MYH11: variants seen among roughly 807,000 people sequenced by gnomAD.
MYH11 encodes myosin-11.
Under a neutral mutation model 246.6 loss-of-function variants are expected in MYH11, and 80 were observed. The ratio of observed to expected loss-of-function variants is 0.32; its 90% CI spans 0.27 to 0.39. The LOEUF is 0.39. Among genes scored for constraint, MYH11 ranks in the 10% least tolerant of loss-of-function variants. The pLI, the probability that MYH11 is intolerant of heterozygous loss-of-function variation, is 1.00. For missense variants in MYH11, 2,158 were observed against 2,546.8 expected, an observed-to-expected ratio of 0.85 and a Z score of 3.29; for synonymous variants, 1,071 against 1,015.5, an observed-to-expected ratio of 1.05 and a Z score of -1.04.
At position 15,717,354 on chromosome 16, in the gene MYH11, G is replaced by T. The variant is rs886051739; in HGVS notation, c.5296-6C>A. On this transcript the variant is annotated splice_region_variant and splice_polypyrimidine_tract_variant and intron_variant, in intron 37 of 40. Coordinates refer to ENST00000300036, the MANE Select transcript of MYH11 (RefSeq NM_002474.3). ...TCGTTGCTGAGCTGCTCGGCCTGGG[G>T]AGGAGAGTGAAGGCCATGAGGCGGA... The T allele has an allele frequency of 1.9e-6, 3 of 1,604,568 alleles. No individual in the cohort carries two copies. The highest frequency in any genetic ancestry group is 2.7e-5 in the African/African-American group (2 of 74,946).
In MYH11 at chr16:15,776,138, C is replaced by T. The variant is rs747215448; in HGVS notation, c.829G>A (p.Asp277Asn). 1 of 1,614,144 alleles carries T rather than the reference C, an allele frequency of 6.2e-7. No individual in the cohort carries two copies. The highest frequency in any genetic ancestry group is 8.5e-7 in the Non-Finnish European group (1 of 1,180,018). ...EKSRAIRQAR[D>N]ERTFHIFYYM... ...TAAAAGATGTGGAATGTCCTCTCGT[C>T]TCTGGCTTGGCGAATTGCCCGTGAT... Residue 277 changes from aspartate to asparagine, a missense_variant, in exon 8 of 41, where the codon GAC becomes AAC. This residue lies in a region of MYH11 where 123 missense variants were observed against 207.1 expected (regional missense o/e 0.59). Transcript: ENST00000300036.
chr16:15,731,089 T>C (rs572173893), intron 27 of MYH11, among the ~76,000 whole-genome samples: 24 of 152,306 alleles, frequency 1.6e-4, no homozygotes, highest in African/African-American at 4.6e-4. Flanking sequence ...CCCAAAGTGT[T>C]AGGATTACGG....
chr16:15,825,675 C>A (rs1055863215), intron 2 of MYH11, among the ~76,000 whole-genome samples: 1 of 152,130 alleles, frequency 6.6e-6, no homozygotes, highest in African/African-American at 2.4e-5. Flanking sequence ...TAGCAGTCCT[C>A]TCCTACTGGG....
intron 1 of MYH11, among the ~76,000 whole-genome samples, chr16:15,851,514 C>A (rs1052259828): frequency 6.6e-6 from 1 of 152,078 alleles, no homozygotes; most frequent in African/African-American, 2.4e-5. Flanking sequence ...GAATCTAATC[C>A]TAGTTTTCTG....
chr16:15,814,205 G>C lies in MYH11; in HGVS notation c.502+9050C>G, dbSNP rs560824906. ...AGGCAGTTTAAAAAGAACTAGAGAGGGGAGAACAGCAAAGCCATCTTGGAA... is the reference window on the plus strand; with the variant it reads ...AGGCAGTTTAAAAAGAACTAGAGAGCGGAGAACAGCAAAGCCATCTTGGAA... On this transcript the variant is annotated intron_variant, in intron 3 of 40. Coordinates refer to ENST00000300036, the MANE Select transcript of MYH11 (RefSeq NM_002474.3). Among the ~76,000 whole-genome samples the C allele has an allele frequency of 1.2e-3, 179 of 151,838 alleles. 1 individual carries two copies. The highest frequency in any genetic ancestry group is 2.3e-3 in the Non-Finnish European group (157 of 67,944).
chr16:15,724,034 T>C, intron 31 of MYH11, 127 bp downstream of exon 31: 1 of 1,511,268 alleles, frequency 6.6e-7, no homozygotes, highest in Non-Finnish European at 9.0e-7. Context: ...TAAGACAGCC[T>C]CCCATGGCTC....
At chr16:15,795,150 A>G (rs1254435253) in intron 4 of MYH11, among the ~76,000 whole-genome samples, 1 of 152,078 alleles carries the variant, frequency 6.6e-6, no homozygotes, top group Non-Finnish European at 1.5e-5. Flanking sequence ...TCTATTAACA[A>G]TACAAAAATT....
At chr16:15,843,405 A>G (rs1431693376) in intron 1 of MYH11, among the ~76,000 whole-genome samples, 1 of 146,662 alleles carries the variant, frequency 6.8e-6, no homozygotes, top group Non-Finnish European at 1.5e-5. Context: ...GAAAGGAAGG[A>G]AGAGGCCGGG....
In MYH11 at chr16:15,823,427, C is replaced by G. The variant is rs74009446; in HGVS notation, c.346-16G>C. 2.5e-4 allele frequency: 400 copies of G among 1,614,138 alleles called. No homozygotes were observed. In the African/African-American group the frequency reaches 3.9e-3, roughly 16 times the overall value. The stretch of plus-strand genomic sequence containing the variant: ...CAGAGTACGTCTGCAGACAGAGAAC[C>G]CAGCTTACTTCCAGACCTCCTCCAG... On this transcript the variant is annotated splice_polypyrimidine_tract_variant and intron_variant, in intron 2 of 40. Coordinates refer to ENST00000300036, the MANE Select transcript of MYH11 (RefSeq NM_002474.3).
intron 12 of MYH11, among the ~76,000 whole-genome samples, chr16:15,759,271 A>AG (rs1349876892): frequency 4.2e-5 from 6 of 141,424 alleles, no homozygotes; most frequent in Admixed American, 3.8e-4. Flanking sequence ...TGCCCCCGTG[A>AG]GGGGAGAGCC....
At chr16:15,841,723 G>T (rs749126596) in intron 1 of MYH11, among the ~76,000 whole-genome samples, 3 of 152,210 alleles carry the variant, frequency 2.0e-5, no homozygotes, top group East Asian at 1.9e-4. Flanking sequence ...GACCATAGCT[G>T]CAGGGGCTGT....
intron 1 of MYH11, among the ~76,000 whole-genome samples, chr16:15,854,984 C>A (rs141280599): frequency 6.6e-6 from 1 of 152,112 alleles, no homozygotes; most frequent in Non-Finnish European, 1.5e-5. Flanking sequence ...CAGGACCAAC[C>A]GGGCTGCGGT....
At chr16:15,765,511 T>C (rs1163970530) in intron 9 of MYH11, among the ~76,000 whole-genome samples, 2 of 152,142 alleles carry the variant, frequency 1.3e-5, no homozygotes, top group African/African-American at 4.8e-5. Flanking sequence ...GGATGATGAT[T>C]AATGCAAATT....
At chr16:15,810,178 C>T (rs1281904043) in intron 3 of MYH11, among the ~76,000 whole-genome samples, 2 of 151,558 alleles carry the variant, frequency 1.3e-5, no homozygotes, top group Non-Finnish European at 2.9e-5. Flanking sequence ...GGATTATAGT[C>T]GCCCACCACC....
rs558974892 is a variant in MYH11, at chr16:15,750,885, G to A, written c.1865-554C>T. On this transcript the variant is annotated intron_variant, in intron 15 of 40. Coordinates refer to ENST00000300036, the MANE Select transcript of MYH11 (RefSeq NM_002474.3). The surrounding 1 kb of genome is among the most constrained non-coding windows in gnomAD (Gnocchi z 4.3). ...AGATGTTAAGTATGGAATATCTTGAGTAGTGAGGTGTGCGTAGAAAAATAA... is the reference window on the plus strand; with the variant it reads ...AGATGTTAAGTATGGAATATCTTGAATAGTGAGGTGTGCGTAGAAAAATAA... Among the ~76,000 whole-genome samples, 23 of 152,238 alleles carry A rather than the reference G, an allele frequency of 1.5e-4. No individual in the cohort carries two copies. The highest frequency in any genetic ancestry group is 4.3e-4 in the African/African-American group (18 of 41,558).
At chr16:15,742,106 A>G in intron 20 of MYH11, 2 of 681,226 alleles carry the variant, frequency 2.9e-6, no homozygotes, top group South Asian at 3.4e-5. Context: ...TAAACACCCT[A>G]CAGTGCACAG....
At chr16:15,749,815 C>A in intron 16 of MYH11, 1 of 471,666 alleles carries the variant, frequency 2.1e-6, no homozygotes, top group Non-Finnish European at 3.8e-6. Flanking sequence ...GAGAAACCCA[C>A]AGGGAAGGGC....
chr16:15,718,606 C>CAGCCGGGACTCA, intron 36 of MYH11, 168 bp from the exon 37 acceptor site: 1 of 1,065,616 alleles, frequency 9.4e-7, no homozygotes, highest in East Asian at 2.6e-5. Context: ...AGGAAGTGGA[C>CAGCCGGGACTCA]AGCCGGGACT....
intron 7 of MYH11, among the ~76,000 whole-genome samples, chr16:15,777,994 G>A (rs1007477171): frequency 6.6e-6 from 1 of 152,078 alleles, no homozygotes; most frequent in African/African-American, 2.4e-5. Flanking sequence ...TGCTGCTAGA[G>A]GACCTCAGGT....
Sources: gnomAD v4.1 joint callset for allele counts (sites outside exome capture counted in the v4.1 genomes callset) on GRCh38, gnomAD v4.1.1 for gene constraint, gnomAD v4.1.1 regional missense constraint, Gnocchi (gnomAD v3.1) non-coding constraint, MANE v1.5 for transcripts, NCBI Gene and HGNC (gene_info 2026-07-23, HGNC 2026-07-21) for gene names.